PHF8: variants seen among roughly 807,000 people sequenced by gnomAD.
PHF8 encodes the protein histone lysine demethylase PHF8.
Under a neutral mutation model 74.4 loss-of-function variants are expected in PHF8, and 9 were observed. The observed-to-expected ratio is 0.12, with a 90% CI of 0.07 to 0.21. The LOEUF (loss-of-function observed/expected upper bound fraction) is 0.21. PHF8 is among the 10% of genes least tolerant of loss of function. The probability of loss-of-function intolerance (pLI) is 1.00; values close to 1 mark genes in which losing one functional copy is unlikely to be tolerated. For missense variants in PHF8, 478 were observed against 816.6 expected (o/e 0.59, Z 5.05); for synonymous variants, 311 against 316.6 (o/e 0.98, Z 0.19).
intron 2 of PHF8, among the ~76,000 whole-genome samples, chrX:54,032,220 T>C (rs891260002): frequency 9.0e-6 from 1 of 111,659 alleles, no homozygotes; most frequent in African/African-American, 3.3e-5. Context: ...ATTCTAGGGC[T>C]CCATCTCCAG....
intron 2 of PHF8, among the ~76,000 whole-genome samples, chrX:54,031,253 A>G (rs2066349975): frequency 9.0e-6 from 1 of 111,083 alleles, no homozygotes; most frequent in South Asian, 3.8e-4. Flanking sequence ...TGAGACTTGG[A>G]GATGCCTGAG....
At chrX:54,030,315 C>T (rs1408546009) in intron 2 of PHF8, among the ~76,000 whole-genome samples, 1 of 111,628 alleles carries the variant, frequency 9.0e-6, no homozygotes, top group Admixed American at 9.6e-5. Context: ...GCTGCACTGT[C>T]TCGATAGTTA....
chrX:53,955,370 T>C (rs999086459), intron 19 of PHF8, among the ~76,000 whole-genome samples: 1 of 110,307 alleles, frequency 9.1e-6, no homozygotes, highest in African/African-American at 3.3e-5. Context: ...TTAACCACCA[T>C]GCTCAGCCCC....
chrX:53,990,808 T>C, intron 14 of PHF8, among the ~76,000 whole-genome samples: 1 of 111,654 alleles, frequency 9.0e-6, no homozygotes, highest in Non-Finnish European at 1.9e-5. Context: ...TCTGAGTATC[T>C]AGAAAATAGC....
At chrX:54,030,752 C>A (rs1456863848) in intron 2 of PHF8, among the ~76,000 whole-genome samples, 1 of 112,177 alleles carries the variant, frequency 8.9e-6, no homozygotes, top group East Asian at 2.8e-4. Flanking sequence ...ACATTAAACA[C>A]AGAAGCAGAG....
At chrX:53,989,167 T>C (rs1049008917) in intron 14 of PHF8, among the ~76,000 whole-genome samples, 1 of 110,462 alleles carries the variant, frequency 9.1e-6, no homozygotes, top group Non-Finnish European at 1.9e-5. Flanking sequence ...TTTCGTCATG[T>C]TGGCCAGGCT....
At chrX:54,039,584 A>C (rs1240470003) in intron 2 of PHF8, 1 of 112,421 alleles carries the variant, frequency 8.9e-6, no homozygotes, top group African/African-American at 3.2e-5. Context: ...TTAAGGCCTC[A>C]ATGGTGCTCC....
At chrX:53,971,960 G>A (rs2065299105) in intron 18 of PHF8, among the ~76,000 whole-genome samples, 2 of 111,180 alleles carry the variant, frequency 1.8e-5, no homozygotes, top group South Asian at 7.5e-4. Flanking sequence ...GAAAAGAAGG[G>A]ACTCCTCCCT....
At chrX:54,033,462 C>T (rs2066395914) in intron 2 of PHF8, among the ~76,000 whole-genome samples, 1 of 112,003 alleles carries the variant, frequency 8.9e-6, no homozygotes, top group Non-Finnish European at 1.9e-5. Flanking sequence ...TGCCTGTAAT[C>T]CCAGCACTTT....
chrX:53,998,653 T>C (rs1557103550), intron 11 of PHF8, among the ~76,000 whole-genome samples: 2 of 110,935 alleles, frequency 1.8e-5, no homozygotes, highest in African/African-American at 6.6e-5. Flanking sequence ...TTCTTATTTC[T>C]CCCCTTTTTA....
At chrX:54,036,723 G>A (rs1276217880) in intron 2 of PHF8, among the ~76,000 whole-genome samples, 7 of 109,146 alleles carry the variant, frequency 6.4e-5, no homozygotes, top group Non-Finnish European at 1.1e-4. Context: ...GAAAGGCCGG[G>A]TGCTGTGGGT....
At chrX:54,018,520 T>C (rs886471052) in intron 4 of PHF8, among the ~76,000 whole-genome samples, 2 of 105,522 alleles carry the variant, frequency 1.9e-5, no homozygotes, top group Admixed American at 1.1e-4. Flanking sequence ...GTGCAGAAAA[T>C]AGTTTTCTTT....
chrX:54,043,745 C>G lies in PHF8; in HGVS notation c.-93+17G>C. 1.5e-5 allele frequency: 10 copies of G among 651,375 alleles called. No homozygotes were observed. The highest frequency in any genetic ancestry group is 1.8e-5 in the Non-Finnish European group (10 of 545,282). 53.7% of individuals were successfully genotyped at this position (651,375 alleles called of 1,213,427 possible). On this transcript the variant is annotated intron_variant, in intron 1 of 21. Coordinates refer to ENST00000338154, the MANE Select transcript of PHF8 (RefSeq NM_015107.3). ...CCTAAAACTGACAGTAATAGCCTCGCAGCCCCCAAAACTTACAGGAATCTT... is the reference window on the plus strand; with the variant it reads ...CCTAAAACTGACAGTAATAGCCTCGGAGCCCCCAAAACTTACAGGAATCTT...
At chrX:53,958,759 G>A (rs781857944) in intron 19 of PHF8, among the ~76,000 whole-genome samples, 45 of 77,263 alleles carry the variant, frequency 5.8e-4, no homozygotes, top group African/African-American at 2.4e-3. Flanking sequence ...CTGGGCGACA[G>A]AGCAAGACTC....
chrX:54,022,394 T>C, intron 3 of PHF8, 27 bp from the exon 4 acceptor site: 1 of 982,250 alleles, frequency 1.0e-6, no homozygotes, highest in Non-Finnish European at 1.5e-6. Context: ...TGAGAGATTG[T>C]GAGTCAGAAC....
chrX:53,972,598 C>G (rs187070814), intron 18 of PHF8, among the ~76,000 whole-genome samples: 58 of 111,414 alleles, frequency 5.2e-4, no homozygotes, highest in African/African-American at 1.9e-3. Flanking sequence ...ATTCAACATC[C>G]CTTCATGTTA....
intron 19 of PHF8, 117 bp downstream of exon 19, chrX:53,962,727 T>TG: frequency 1.8e-6 from 1 of 542,948 alleles, no homozygotes; most frequent in Admixed American, 2.4e-5. Context: ...AACAAATGTT[T>TG]GCTGAATAAA....
At chrX:53,982,297 T>C (rs192679527) in intron 18 of PHF8, among the ~76,000 whole-genome samples, 2 of 112,608 alleles carry the variant, frequency 1.8e-5, no homozygotes, top group African/African-American at 3.2e-5. Flanking sequence ...CAGAGGGGAT[T>C]TGCTCTACCA....
chrX:54,017,609 A>T, intron 5 of PHF8, 52 bp downstream of exon 5: 2 of 1,064,583 alleles, frequency 1.9e-6, no homozygotes, highest in East Asian at 3.0e-5. Context: ...AGGGACACAG[A>T]TCTTGACAGG....
Sources: gnomAD v4.1 joint callset for allele counts (sites outside exome capture counted in the v4.1 genomes callset) on GRCh38, gnomAD v4.1.1 for gene constraint, MANE v1.5 for transcripts, NCBI Gene and HGNC (gene_info 2026-07-23, HGNC 2026-07-21) for gene names.